Variants in MAST4 observed in about 807,000 individuals in gnomAD.
MAST4 encodes the protein microtubule-associated serine/threonine-protein kinase 4.
In MAST4, 89 loss-of-function variants were observed where a neutral mutation model predicts 162.7. That is an observed-to-expected ratio of 0.55 (90% confidence interval 0.46 to 0.65). The LOEUF is 0.65. Ranked by LOEUF, MAST4 falls within the 30% of genes least tolerant of loss-of-function variation. The pLI is 0.00. For synonymous variants in MAST4, 1,479 were observed against 1,361.1 expected (o/e 1.09, Z -1.91); for missense variants, 3,153 against 3,374.0 (o/e 0.93, Z 1.62).
At chr5:66,638,897 T>A (rs1487547783) in intron 1 of MAST4, among the ~76,000 whole-genome samples, 1 of 152,144 alleles carries the variant, frequency 6.6e-6, no homozygotes, top group Non-Finnish European at 1.5e-5. Context: ...TTTACTGAGA[T>A]GGGGAAACGA....
chr5:67,018,082 C>A (rs1185205233), intron 4 of MAST4, among the ~76,000 whole-genome samples: 1 of 152,034 alleles, frequency 6.6e-6, no homozygotes, highest in Non-Finnish European at 1.5e-5. Context: ...TACTATGGTA[C>A]ACTGTGTCAT....
chr5:66,793,538 G>A (rs1009414319), intron 3 of MAST4, among the ~76,000 whole-genome samples: 1 of 152,192 alleles, frequency 6.6e-6, no homozygotes, highest in African/African-American at 2.4e-5. Context: ...AGGACCAGTG[G>A]CAACTTATTT....
intron 4 of MAST4, among the ~76,000 whole-genome samples, chr5:66,998,396 T>C (rs1429866410): frequency 6.6e-6 from 1 of 152,208 alleles, no homozygotes; most frequent in South Asian, 2.1e-4. Context: ...AGTTGTATAT[T>C]TATACTTAAA....
At chr5:67,078,719 A>AT (rs1561620404) in intron 5 of MAST4, among the ~76,000 whole-genome samples, 2,106 of 115,672 alleles carry the variant, frequency 0.018, 67 homozygotes, top group African/African-American at 0.079. Context: ...ATTTATTTAT[A>AT]TTATATTTAT....
At chr5:66,850,962 A>G (rs1274914335) in intron 3 of MAST4, among the ~76,000 whole-genome samples, 1 of 136,412 alleles carries the variant, frequency 7.3e-6, no homozygotes, top group Non-Finnish European at 1.5e-5. Flanking sequence ...AAAAATGCAT[A>G]CATTTGAGAA....
intron 26 of MAST4, 120 bp downstream of exon 26, chr5:67,153,700 G>A (rs1459990488): frequency 1.0e-6 from 1 of 970,016 alleles, no homozygotes; most frequent in Non-Finnish European, 1.4e-6. Flanking sequence ...GTATTCATTA[G>A]TCTCAAGTTT....
intron 24 of MAST4, among the ~76,000 whole-genome samples, chr5:67,151,582 A>G (rs1175302500): frequency 2.0e-5 from 3 of 152,204 alleles, no homozygotes; most frequent in Admixed American, 6.5e-5. Flanking sequence ...GGAATATGCA[A>G]TGAGATTCTC....
intron 3 of MAST4, among the ~76,000 whole-genome samples, chr5:66,826,028 G>C (rs1482658345): frequency 6.6e-6 from 1 of 152,044 alleles, no homozygotes; most frequent in African/African-American, 2.4e-5. Flanking sequence ...TTAACACATG[G>C]CTTATCTTGA....
intron 1 of MAST4, among the ~76,000 whole-genome samples, chr5:66,633,094 A>G (rs1051715177): frequency 4.6e-5 from 7 of 152,204 alleles, no homozygotes; most frequent in Non-Finnish European, 8.8e-5. Flanking sequence ...TCTGTGGCTT[A>G]CATATTCACA....
intron 3 of MAST4, among the ~76,000 whole-genome samples, chr5:66,861,534 A>G (rs758058038): frequency 4.6e-5 from 7 of 152,214 alleles, no homozygotes; most frequent in Non-Finnish European, 1.0e-4. Flanking sequence ...CTTTTTCACT[A>G]TGATAGAGAG....
intron 3 of MAST4, among the ~76,000 whole-genome samples, chr5:66,807,553 G>GT (rs1436342648): frequency 5.3e-5 from 8 of 151,546 alleles, no homozygotes; most frequent in African/African-American, 1.9e-4. Context: ...TAGTCACCCT[G>GT]TTGTGCTTTC....
intron 1 of MAST4, among the ~76,000 whole-genome samples, 189 bp downstream of exon 1, chr5:66,597,207 G>A (rs1253927580): frequency 6.6e-6 from 1 of 152,220 alleles, no homozygotes; most frequent in African/African-American, 2.4e-5. Context: ...CTTCCCTGTG[G>A]CTGTTACCCC....
At chr5:67,145,403 G>A in intron 23 of MAST4, 24 bp downstream of exon 23, 2 of 1,596,726 alleles carry the variant, frequency 1.3e-6, no homozygotes, top group Non-Finnish European at 1.7e-6. Context: ...CATAGTGCCT[G>A]CTGTCCTCCT....
chr5:66,606,541 TTC>T (rs1260937383), intron 1 of MAST4, among the ~76,000 whole-genome samples: 5 of 152,200 alleles, frequency 3.3e-5, no homozygotes, highest in Non-Finnish European at 7.3e-5. Context: ...GCAAAATAAG[TTC>T]TGTTTTTGGA....
At chr5:67,016,655 G>A (rs1376714500) in intron 4 of MAST4, among the ~76,000 whole-genome samples, 3 of 152,148 alleles carry the variant, frequency 2.0e-5, no homozygotes, top group African/African-American at 2.4e-5. Context: ...AGTTTATGAT[G>A]GTATTTAAAT....
chr5:66,788,605 C>CCCCAAACAAAAAAAAAAAAAAA, intron 2 of MAST4, 65 bp from the exon 3 acceptor site: 3 of 1,344,528 alleles, frequency 2.2e-6, no homozygotes, highest in Non-Finnish European at 3.1e-6. Flanking sequence ...CACCCCCACC[C>CCCCAAACAAAAAAAAAAAAAAA]CCATTGCAAT....
rs1352112288 is a variant in MAST4, at chr5:67,118,710, T to C, written c.1620T>C (p.Ser540=). 2.5e-6 allele frequency: 4 copies of C among 1,577,906 alleles called. No individual in the cohort carries two copies. Among genetic ancestry groups the C allele is most frequent in the Non-Finnish European group, 3.5e-6 (4 of 1,158,916 alleles). ...TGGCTCATTTGGGAAACTACGATAG[T>C]GGGACAGCAGAAACACCAGAAACAG... ...EEMAHLGNYD[S]GTAETPETDE... The change falls in exon 13 of 29, where the codon AGT becomes AGC. Residue 540 remains serine, a synonymous_variant. Coordinates refer to ENST00000403625, the MANE Select transcript of MAST4 (RefSeq NM_001164664.2).
intron 1 of MAST4, among the ~76,000 whole-genome samples, chr5:66,725,093 G>GTTTT (rs142610980): frequency 2.0e-4 from 30 of 151,188 alleles, no homozygotes; most frequent in African/African-American, 7.3e-4. Flanking sequence ...TGATTTTTCT[G>GTTTT]TTTTTTTAAT....
intron 1 of MAST4, among the ~76,000 whole-genome samples, chr5:66,745,005 G>A (rs578166927): frequency 1.3e-4 from 20 of 152,316 alleles, no homozygotes; most frequent in African/African-American, 4.8e-4. Flanking sequence ...TAGGGAAGGG[G>A]GAAGAGAATA....
Sources: gnomAD v4.1 joint callset for allele counts (sites outside exome capture counted in the v4.1 genomes callset) on GRCh38, gnomAD v4.1.1 for gene constraint, MANE v1.5 for transcripts, NCBI Gene and HGNC (gene_info 2026-07-23, HGNC 2026-07-21) for gene names.